ANO4: variants seen among roughly 807,000 people sequenced by gnomAD.
ANO4 encodes anoctamin 4.
ANO4 carries 69 observed loss-of-function variants against 141.9 expected under a neutral mutation model. The ratio of observed to expected loss-of-function variants is 0.49; its 90% CI spans 0.40 to 0.59. ANO4 has a LOEUF of 0.59. Ranked by LOEUF, ANO4 falls within the 20% of genes least tolerant of loss-of-function variation. ANO4 has a pLI of 0.00. For synonymous variants in ANO4, 350 were observed against 394.3 expected (o/e 0.89, Z 1.33); for missense variants, 894 against 1,162.2 (o/e 0.77, Z 3.36).
Position 101,126,960 on chromosome 12 carries a change from G to A in ANO4, c.2758G>A (p.Glu920Lys). The change falls in exon 27 of 28, where the codon GAG becomes AAG. Residue 920 changes from glutamate to lysine, a missense_variant. Physicochemically the swap from Glu to Lys is moderately conservative, Grantham distance 56. Around this residue, in one of 2 missense-constraint regions of ANO4, gnomAD observed 637 missense variants for 909.2 expected, o/e 0.70. Coordinates refer to ENST00000392977, the MANE Select transcript of ANO4 (RefSeq NM_001286615.2). ...PKDLRDRMRR[E>K]KYLIQEMMYE... The stretch of plus-strand genomic sequence containing the variant: ...AGACCTAAGGGATCGAATGAGAAGA[G>A]AGAAGTACTTGATTCAGGAGATGAT... The A allele has an allele frequency of 1.2e-5, 19 of 1,614,178 alleles. No homozygotes were observed. Among genetic ancestry groups the A allele is most frequent in the Non-Finnish European group, 1.6e-5 (19 of 1,180,028 alleles).
intron 1 of ANO4, among the ~76,000 whole-genome samples, chr12:100,807,653 AC>A (rs569563294): frequency 7.9e-4 from 120 of 152,206 alleles, no homozygotes; most frequent in African/African-American, 2.7e-3. Context: ...ACACAGATCA[AC>A]CTATCACCTG....
At chr12:100,801,520 G>A (rs2034688910) in intron 1 of ANO4, among the ~76,000 whole-genome samples, 2 of 147,094 alleles carry the variant, frequency 1.4e-5, no homozygotes, top group African/African-American at 5.1e-5. Flanking sequence ...TTTTTTAAAA[G>A]CACAATTCCT....
intron 14 of ANO4, among the ~76,000 whole-genome samples, chr12:101,051,562 A>G (rs2047872252): frequency 6.6e-6 from 1 of 152,248 alleles, no homozygotes; most frequent in Non-Finnish European, 1.5e-5. Context: ...TGAAAGAGTC[A>G]ACAATATTAA....
intron 1 of ANO4, among the ~76,000 whole-genome samples, chr12:100,809,166 C>G (rs922909893): frequency 3.9e-5 from 6 of 152,064 alleles, no homozygotes; most frequent in Non-Finnish European, 5.9e-5. Flanking sequence ...GGATCTGGAT[C>G]ACTTGAGACC....
chr12:100,912,383 G>A (rs113262062), intron 2 of ANO4, among the ~76,000 whole-genome samples: 10,479 of 124,838 alleles, frequency 0.084, 598 homozygotes, highest in African/African-American at 0.17. Context: ...TAACAGAGCA[G>A]GACTCTGTCA....
At chr12:101,097,158 A>C (rs1194338391) in intron 19 of ANO4, among the ~76,000 whole-genome samples, 1 of 152,074 alleles carries the variant, frequency 6.6e-6, no homozygotes, top group East Asian at 1.9e-4. Context: ...ATTCCCTTAC[A>C]TCTGGAGGCA....
At chr12:100,812,396 G>C (rs1344127414) in intron 1 of ANO4, among the ~76,000 whole-genome samples, 1 of 152,152 alleles carries the variant, frequency 6.6e-6, no homozygotes, top group Non-Finnish European at 1.5e-5. Context: ...TTATAGGGAA[G>C]TAGCTCTGTT....
chr12:100,721,837 C>G (rs61946504), intron 1 of ANO4, among the ~76,000 whole-genome samples: 3 of 151,458 alleles, frequency 2.0e-5, no homozygotes, highest in Non-Finnish European at 2.9e-5. Flanking sequence ...GGTCACCATG[C>G]CAGGCTAACT....
At chr12:101,095,296 AG>A (rs2049937438) in intron 18 of ANO4, among the ~76,000 whole-genome samples, 1 of 151,738 alleles carries the variant, frequency 6.6e-6, no homozygotes, top group Admixed American at 6.6e-5. Flanking sequence ...AAAAGATAGA[AG>A]AGGTTTATGT....
chr12:100,988,703 T>A (rs1249959925), intron 8 of ANO4, among the ~76,000 whole-genome samples: 1 of 151,202 alleles, frequency 6.6e-6, no homozygotes, highest in Non-Finnish European at 1.5e-5. Flanking sequence ...AAACCCCGTC[T>A]CTACTAAAAA....
intron 2 of ANO4, among the ~76,000 whole-genome samples, chr12:100,914,833 T>G (rs2136078449): frequency 6.6e-6 from 1 of 152,234 alleles, no homozygotes; most frequent in African/African-American, 2.4e-5. Context: ...TTTTATTTTT[T>G]TAAGATACAA....
intron 1 of ANO4, among the ~76,000 whole-genome samples, chr12:100,886,172 G>A (rs2135972552): frequency 6.6e-6 from 1 of 152,204 alleles, no homozygotes; most frequent in East Asian, 1.9e-4. Flanking sequence ...TGCCCCAGTT[G>A]AAGTAGAACA....
chr12:101,068,290 T>G, intron 14 of ANO4: 1 of 1,412,238 alleles, frequency 7.1e-7, no homozygotes, highest in Admixed American at 1.9e-5. Context: ...TGCTGCAGAT[T>G]CCGCCTGCTC....
intron 1 of ANO4, among the ~76,000 whole-genome samples, chr12:100,878,449 A>G (rs1390735875): frequency 6.6e-6 from 1 of 152,174 alleles, no homozygotes; most frequent in Non-Finnish European, 1.5e-5. Flanking sequence ...GAAAATATCA[A>G]CACTCACTGA....
At chr12:100,928,789 CT>C (rs201414508) in intron 3 of ANO4, among the ~76,000 whole-genome samples, 18 of 151,816 alleles carry the variant, frequency 1.2e-4, no homozygotes, top group African/African-American at 4.4e-4. Context: ...AGGTGTTCAC[CT>C]TTTTTTTACA....
chr12:100,899,857 C>G (rs1226224761), intron 1 of ANO4, among the ~76,000 whole-genome samples: 2 of 152,000 alleles, frequency 1.3e-5, no homozygotes, highest in Non-Finnish European at 2.9e-5. Flanking sequence ...CATACAACAA[C>G]ATTATAAGGT....
intron 1 of ANO4, among the ~76,000 whole-genome samples, chr12:100,845,552 T>G (rs1197939548): frequency 1.3e-5 from 2 of 152,216 alleles, no homozygotes; most frequent in East Asian, 1.9e-4. Context: ...GCTTATATTT[T>G]TATAGCTTAA....
intron 1 of ANO4, among the ~76,000 whole-genome samples, chr12:100,871,409 T>C (rs541187922): frequency 6.6e-6 from 1 of 152,354 alleles, no homozygotes; most frequent in Admixed American, 6.5e-5. Context: ...AGTCAGCTTC[T>C]CTGCACAGTG....
intron 3 of ANO4, among the ~76,000 whole-genome samples, chr12:100,787,591 G>C (rs1287330006): frequency 6.6e-6 from 1 of 152,144 alleles, no homozygotes; most frequent in African/African-American, 2.4e-5. Flanking sequence ...AGGCAGGGAG[G>C]CTGCTTCTGA....
Sources: allele counts gnomAD v4.1 joint callset (sites outside exome capture counted in the v4.1 genomes callset), GRCh38; gene constraint gnomAD v4.1.1; regional missense constraint gnomAD v4.1.1; transcripts MANE v1.5; gene names NCBI Gene and HGNC (gene_info 2026-07-23, HGNC 2026-07-21).